NKAIN2: variants seen among roughly 807,000 people sequenced by gnomAD.
The protein encoded by NKAIN2 is sodium/potassium transporting ATPase interacting 2.
Under a neutral mutation model 32.6 loss-of-function variants are expected in NKAIN2, and 14 were observed. The observed-to-expected ratio is 0.43, with a 90% CI of 0.28 to 0.67. The LOEUF is 0.67. Among genes scored for constraint, NKAIN2 ranks in the 30% least tolerant of loss-of-function variants. The probability of loss-of-function intolerance (pLI) is 0.17; values close to 1 mark genes in which losing one functional copy is unlikely to be tolerated. For missense variants in NKAIN2, 198 were observed against 258.3 expected (o/e 0.77, Z 1.60); for synonymous variants, 80 against 87.2 (o/e 0.92, Z 0.46).
intron 1 of NKAIN2, among the ~76,000 whole-genome samples, chr6:124,277,122 C>G (rs1315304617): frequency 6.6e-6 from 1 of 152,080 alleles, no homozygotes; most frequent in Non-Finnish European, 1.5e-5. Context: ...AGTATTCAAA[C>G]TTTCTACATC....
chr6:123,952,796 C>T (rs1028150670), intron 1 of NKAIN2, among the ~76,000 whole-genome samples: 1 of 151,808 alleles, frequency 6.6e-6, no homozygotes, highest in African/African-American at 2.4e-5. Flanking sequence ...TGAATTGTTC[C>T]TATTTTTTTG....
chr6:123,836,369 A>G (rs1017002536), intron 1 of NKAIN2, among the ~76,000 whole-genome samples: 30 of 152,242 alleles, frequency 2.0e-4, no homozygotes, highest in Non-Finnish European at 7.4e-5. Context: ...ACCACGAGAA[A>G]TTTTGTTGAT....
At chr6:124,493,926 A>G (rs1317713981) in intron 3 of NKAIN2, among the ~76,000 whole-genome samples, 4 of 151,950 alleles carry the variant, frequency 2.6e-5, no homozygotes, top group African/African-American at 9.7e-5. Flanking sequence ...GGGAGACTTC[A>G]TCTTTACTTA....
chr6:124,746,586 G>A (rs1248703014), intron 4 of NKAIN2, among the ~76,000 whole-genome samples: 1 of 151,814 alleles, frequency 6.6e-6, no homozygotes, highest in East Asian at 1.9e-4. Flanking sequence ...AGTTTTAGAG[G>A]AAAATTTATA....
At chr6:124,055,725 C>T (rs1314861075) in intron 1 of NKAIN2, among the ~76,000 whole-genome samples, 1 of 151,870 alleles carries the variant, frequency 6.6e-6, no homozygotes, top group Non-Finnish European at 1.5e-5. Context: ...AACATTTTCT[C>T]CCATTTAGAT....
In NKAIN2 at chr6:124,687,648, T is replaced by G. The variant is rs867609948; in HGVS notation, c.474+29262T>G. 0.037 allele frequency among the ~76,000 whole-genome samples: 121 copies of G among 3,284 alleles called. 9 individuals are homozygous for G. In the South Asian group the frequency reaches 0.4, roughly 11 times the overall value. 2.2% of individuals were successfully genotyped at this position (3,284 alleles called of 152,430 possible). ...TATGTATTTATATATGGAATATATATAGAGAGAGAATATACCATATATATA... is the reference window on the plus strand; with the variant it reads ...TATGTATTTATATATGGAATATATAGAGAGAGAGAATATACCATATATATA... On this transcript the variant is annotated intron_variant, in intron 4 of 6. Transcript: ENST00000368417.
chr6:123,981,883 A>G (rs1348568536), intron 1 of NKAIN2, among the ~76,000 whole-genome samples: 5 of 152,134 alleles, frequency 3.3e-5, no homozygotes, highest in Admixed American at 6.6e-5. Flanking sequence ...CGGGATCCAG[A>G]TCAGCATATC....
intron 3 of NKAIN2, among the ~76,000 whole-genome samples, chr6:124,389,619 T>G (rs1475571070): frequency 6.6e-6 from 1 of 151,962 alleles, no homozygotes; most frequent in Non-Finnish European, 1.5e-5. Flanking sequence ...AAAGGTAAGA[T>G]ATGAAATGAT....
intron 3 of NKAIN2, among the ~76,000 whole-genome samples, chr6:124,555,056 G>C (rs1285366312): frequency 6.6e-6 from 1 of 152,182 alleles, no homozygotes; most frequent in African/African-American, 2.4e-5. Context: ...GACAACTCCA[G>C]TTAAACCTTC....
intron 3 of NKAIN2, among the ~76,000 whole-genome samples, chr6:124,547,188 G>C (rs531096537): frequency 1.3e-5 from 2 of 151,924 alleles, no homozygotes; most frequent in Non-Finnish European, 2.9e-5. Flanking sequence ...AGTGAGAAAC[G>C]GTTATTCATT....
chr6:124,076,217 A>G (rs556612304), intron 1 of NKAIN2, among the ~76,000 whole-genome samples: 4 of 152,314 alleles, frequency 2.6e-5, no homozygotes, highest in Non-Finnish European at 5.9e-5. Flanking sequence ...TGAGAAGAGA[A>G]TGAGGATTCA....
chr6:124,151,885 A>T (rs536112765), intron 1 of NKAIN2, among the ~76,000 whole-genome samples: 35 of 152,084 alleles, frequency 2.3e-4, no homozygotes, highest in Middle Eastern at 6.8e-3. Flanking sequence ...GTATTTATAT[A>T]TGCTAGATAC....
At chr6:123,828,296 A>G (rs925338096) in intron 1 of NKAIN2, among the ~76,000 whole-genome samples, 2 of 152,130 alleles carry the variant, frequency 1.3e-5, no homozygotes, top group African/African-American at 4.8e-5. Flanking sequence ...ACATTTTTGG[A>G]ATTACTGGTT....
At chr6:124,021,560 G>C (rs1021594909) in intron 1 of NKAIN2, among the ~76,000 whole-genome samples, 2 of 151,704 alleles carry the variant, frequency 1.3e-5, no homozygotes, top group East Asian at 3.9e-4. Flanking sequence ...TTTTCTAAAA[G>C]TGACTCAAAA....
chr6:124,664,566 G>A (rs1044959811), intron 4 of NKAIN2, among the ~76,000 whole-genome samples: 3 of 150,786 alleles, frequency 2.0e-5, no homozygotes, highest in Non-Finnish European at 4.4e-5. Context: ...AGGCCGAGGC[G>A]GGCGGATCAC....
At chr6:124,535,164 GA>G (rs1186999003) in intron 3 of NKAIN2, among the ~76,000 whole-genome samples, 1 of 152,132 alleles carries the variant, frequency 6.6e-6, no homozygotes, top group East Asian at 1.9e-4. Flanking sequence ...CATAGATGTG[GA>G]AGCCATGGAT....
chr6:124,206,408 A>G (rs1790888822), intron 1 of NKAIN2, among the ~76,000 whole-genome samples: 1 of 151,902 alleles, frequency 6.6e-6, no homozygotes, highest in Admixed American at 6.6e-5. Context: ...TAAATCAGAA[A>G]GTTTGTTAGA....
chr6:124,540,737 G>C (rs1779881895), intron 3 of NKAIN2, among the ~76,000 whole-genome samples: 1 of 152,174 alleles, frequency 6.6e-6, no homozygotes, highest in Non-Finnish European at 1.5e-5. Flanking sequence ...TGTACTTCAA[G>C]TACTCATACA....
intron 4 of NKAIN2, among the ~76,000 whole-genome samples, chr6:124,701,090 T>C (rs1379509483): frequency 6.7e-6 from 1 of 149,742 alleles, no homozygotes; most frequent in African/African-American, 2.5e-5. Flanking sequence ...TGTGATCATC[T>C]AGAATTTTTG....
Sources: allele counts gnomAD v4.1 joint callset (sites outside exome capture counted in the v4.1 genomes callset), GRCh38; gene constraint gnomAD v4.1.1; transcripts MANE v1.5; gene names NCBI Gene and HGNC (gene_info 2026-07-23, HGNC 2026-07-21).